TAFA4: variants seen among roughly 807,000 people sequenced by gnomAD.
TAFA4 encodes TAFA chemokine like family member 4.
A neutral mutation model predicts 21.1 loss-of-function variants in TAFA4; 20 were observed. The observed-to-expected ratio is 0.95, with a 90% CI of 0.67 to 1.38. The LOEUF (loss-of-function observed/expected upper bound fraction) is 1.38. TAFA4 is among the 40% of genes most tolerant of loss of function. The probability of loss-of-function intolerance (pLI) is 0.00; values close to 1 mark genes in which losing one functional copy is unlikely to be tolerated. For missense variants in TAFA4, 211 were observed against 180.9 expected (o/e 1.17, Z -0.95); for synonymous variants, 71 against 67.4 (o/e 1.05, Z -0.26).
intron 3 of TAFA4, among the ~76,000 whole-genome samples, chr3:68,768,000 G>T (rs556172487): frequency 6.6e-6 from 1 of 151,490 alleles, no homozygotes; most frequent in East Asian, 1.9e-4. Context: ...TGCTTAAGCA[G>T]CCAAACACCC....
chr3:68,868,007 C>A (rs185739855), intron 3 of TAFA4, among the ~76,000 whole-genome samples: 22 of 152,036 alleles, frequency 1.4e-4, no homozygotes, highest in Non-Finnish European at 3.2e-4. Context: ...CAATAACAAC[C>A]TTGAATGTAA....
intron 3 of TAFA4, among the ~76,000 whole-genome samples, chr3:68,876,923 T>A (rs2089555968): frequency 6.6e-6 from 1 of 152,140 alleles, no homozygotes; most frequent in Non-Finnish European, 1.5e-5. Flanking sequence ...ACCGTGAGAC[T>A]TATTTTTTAT....
chr3:68,846,827 T>G (rs1704813019), intron 3 of TAFA4, among the ~76,000 whole-genome samples: 1 of 152,204 alleles, frequency 6.6e-6, no homozygotes, highest in South Asian at 2.1e-4. Flanking sequence ...AGACCCTGTT[T>G]GCCTGGGTAT....
intron 1 of TAFA4, among the ~76,000 whole-genome samples, chr3:68,928,177 A>G (rs756421548): frequency 1.1e-4 from 17 of 152,344 alleles, no homozygotes; most frequent in Non-Finnish European, 1.9e-4. Context: ...AAAAGATTCA[A>G]TGTTGCCTTA....
At chr3:68,919,055 G>A (rs1331427761) in intron 1 of TAFA4, among the ~76,000 whole-genome samples, 2 of 152,152 alleles carry the variant, frequency 1.3e-5, no homozygotes, top group Non-Finnish European at 2.9e-5. Context: ...CTTCAATTCT[G>A]TCACCTTCCC....
intron 3 of TAFA4, among the ~76,000 whole-genome samples, chr3:68,821,850 T>C (rs1158990845): frequency 1.3e-5 from 2 of 152,338 alleles, no homozygotes; most frequent in South Asian, 2.1e-4. Context: ...ATTTAAACCA[T>C]GATAAGTAAC....
At chr3:68,774,646 T>G (rs1370650327) in intron 3 of TAFA4, among the ~76,000 whole-genome samples, 1 of 152,214 alleles carries the variant, frequency 6.6e-6, no homozygotes, top group Non-Finnish European at 1.5e-5. Context: ...GAAATAAATT[T>G]GAATTTATAT....
chr3:68,850,893 C>A (rs1704929793), intron 3 of TAFA4, among the ~76,000 whole-genome samples: 1 of 151,998 alleles, frequency 6.6e-6, no homozygotes, highest in Admixed American at 6.6e-5. Flanking sequence ...TTAAATAGAT[C>A]CCATTTGTCA....
chr3:68,795,400 A>G (rs1703437279), intron 3 of TAFA4, among the ~76,000 whole-genome samples: 2 of 152,080 alleles, frequency 1.3e-5, no homozygotes, highest in South Asian at 4.1e-4. Context: ...TTCCAGCTTC[A>G]GCTACAGATC....
chr3:68,848,758 C>T (rs926908520), intron 3 of TAFA4, among the ~76,000 whole-genome samples: 12 of 152,220 alleles, frequency 7.9e-5, no homozygotes, highest in African/African-American at 2.9e-4. Context: ...CTTCCTACCC[C>T]AAAATAAAGT....
chr3:68,926,064 T>A (rs2090105481), intron 1 of TAFA4, among the ~76,000 whole-genome samples: 1 of 152,054 alleles, frequency 6.6e-6, no homozygotes, highest in Non-Finnish European at 1.5e-5. Flanking sequence ...AAACCCCGTC[T>A]CTACTAAAAA....
At chr3:68,878,562 G>C (rs2089580173) in intron 3 of TAFA4, among the ~76,000 whole-genome samples, 1 of 151,934 alleles carries the variant, frequency 6.6e-6, no homozygotes. Flanking sequence ...AAAAAAAAAG[G>C]AACAAAAGGA....
At chr3:68,910,194 T>A (rs1559560641) in intron 1 of TAFA4, among the ~76,000 whole-genome samples, 1 of 152,222 alleles carries the variant, frequency 6.6e-6, no homozygotes, top group Admixed American at 6.5e-5. Flanking sequence ...CTTTGCTGTA[T>A]TCTATTGGTT....
intron 3 of TAFA4, among the ~76,000 whole-genome samples, chr3:68,873,345 C>T (rs1357266190): frequency 2.3e-5 from 3 of 127,764 alleles, no homozygotes; most frequent in African/African-American, 6.1e-5. Flanking sequence ...CATACACACA[C>T]ACACACACAC....
chr3:68,739,334 C>CCAAT, intron 4 of TAFA4, 135 bp from the exon 5 acceptor site: 1 of 1,065,132 alleles, frequency 9.4e-7, no homozygotes, highest in South Asian at 1.6e-5. Flanking sequence ...TTGAAGGAAT[C>CCAAT]CAATCAGGCA....
intron 3 of TAFA4, among the ~76,000 whole-genome samples, chr3:68,793,368 C>T (rs75624819): frequency 0.016 from 2,451 of 152,294 alleles, 70 homozygotes; most frequent in African/African-American, 0.056. Flanking sequence ...AAACACCCTC[C>T]ATTCTAATTG....
intron 1 of TAFA4, among the ~76,000 whole-genome samples, chr3:68,900,156 C>T (rs1282424160): frequency 6.7e-6 from 1 of 150,008 alleles, no homozygotes; most frequent in African/African-American, 2.4e-5. Context: ...ACATGAGAAT[C>T]ACTTGAACCT....
At chr3:68,830,301 T>C (rs1296022356) in intron 3 of TAFA4, among the ~76,000 whole-genome samples, 1 of 152,256 alleles carries the variant, frequency 6.6e-6, no homozygotes, top group African/African-American at 2.4e-5. Flanking sequence ...TTTAGATCTT[T>C]CCTGCTTTCT....
chr3:68,885,086 G>A (rs188384080), intron 2 of TAFA4, 89 bp downstream of exon 2: 110 of 1,270,058 alleles, frequency 8.7e-5, no homozygotes, highest in Admixed American at 2.4e-4. Context: ...CTTCTAAAAC[G>A]GATCATCAAC....
Sources: allele counts gnomAD v4.1 joint callset (sites outside exome capture counted in the v4.1 genomes callset), GRCh38; gene constraint gnomAD v4.1.1; transcripts MANE v1.5; gene names NCBI Gene and HGNC (gene_info 2026-07-23, HGNC 2026-07-21).